Variants in CCDC66 observed in about 807,000 individuals in gnomAD.
CCDC66 encodes the protein coiled-coil domain containing 66.
In CCDC66, 133 loss-of-function variants were observed where a neutral mutation model predicts 128.3. The observed-to-expected ratio is 1.04, with a 90% CI of 0.90 to 1.20. The LOEUF (loss-of-function observed/expected upper bound fraction) is 1.20. Among genes scored for constraint, CCDC66 ranks in the 50% most tolerant of loss-of-function variants. The probability of loss-of-function intolerance (pLI) is 0.00; values close to 1 mark genes in which losing one functional copy is unlikely to be tolerated. For synonymous variants in CCDC66, 387 were observed against 357.0 expected (o/e 1.08, Z -0.95); for missense variants, 1,126 against 1,075.5 (o/e 1.05, Z -0.66).
chr3:56,565,103 C>A, intron 4 of CCDC66: 1 of 393,780 alleles, frequency 2.5e-6, no homozygotes, highest in Non-Finnish European at 5.2e-6. Context: ...ATCCTGTGAG[C>A]CCTCTAAAAC....
intron 7 of CCDC66, among the ~76,000 whole-genome samples, chr3:56,582,097 C>G (rs1450692024): frequency 6.6e-6 from 1 of 151,940 alleles, no homozygotes; most frequent in African/African-American, 2.4e-5. Flanking sequence ...TGTTTACCTA[C>G]TCAAGCCTCA....
chr3:56,576,384 T>A (rs575921724), intron 7 of CCDC66, among the ~76,000 whole-genome samples: 51 of 151,676 alleles, frequency 3.4e-4, no homozygotes, highest in African/African-American at 6.7e-4. Flanking sequence ...TTAAAAAAAA[T>A]TTTATGCCAT....
At chr3:56,606,205 A>T (rs1010989578) in intron 10 of CCDC66, among the ~76,000 whole-genome samples, 8 of 151,956 alleles carry the variant, frequency 5.3e-5, no homozygotes, top group African/African-American at 1.9e-4. Context: ...TAGCTTGCTG[A>T]GCTCCCTGGG....
chr3:56,617,691 C>G, intron 14 of CCDC66, 86 bp downstream of exon 14: 6 of 1,479,756 alleles, frequency 4.1e-6, no homozygotes, highest in Non-Finnish European at 5.4e-6. Context: ...TAAGGCTGTT[C>G]TGATCTGTTT....
At chr3:56,565,017 C>T (rs888311654) in intron 4 of CCDC66, 29 of 201,550 alleles carry the variant, frequency 1.4e-4, no homozygotes, top group Non-Finnish European at 5.5e-5. Flanking sequence ...TGCCTAATCA[C>T]GTAGACTTTC....
intron 2 of CCDC66, 150 bp downstream of exon 2, chr3:56,559,060 C>G (rs1303646842): frequency 3.2e-6 from 2 of 629,332 alleles, no homozygotes; most frequent in East Asian, 5.5e-5. Flanking sequence ...AGATTTCCTT[C>G]TAGCCAAATA....
At chr3:56,608,853 C>T (rs2074422906) in intron 10 of CCDC66, among the ~76,000 whole-genome samples, 1 of 152,130 alleles carries the variant, frequency 6.6e-6, no homozygotes. Context: ...ATCTTGATTT[C>T]ATTTTTGGCC....
chr3:56,583,916 G>A (rs1163195433), intron 7 of CCDC66, among the ~76,000 whole-genome samples: 2 of 88,350 alleles, frequency 2.3e-5, no homozygotes, highest in Admixed American at 1.5e-4. Context: ...GGCGGCGGCT[G>A]GGCGGGGGCT....
At chr3:56,573,055 C>T (rs892576576) in intron 7 of CCDC66, 1 of 152,144 alleles carries the variant, frequency 6.6e-6, no homozygotes, top group Non-Finnish European at 1.5e-5. Flanking sequence ...TACTTTTCAA[C>T]ATCAGGATAA....
At position 56,593,529 on chromosome 3, in the gene CCDC66, A is replaced by C; in HGVS notation, c.1107A>C (p.Ser369=). 6.2e-7 allele frequency: 1 copy of C among 1,614,204 alleles called. No individual in the cohort carries two copies. ...EHDRWAMHFD[S]LKSYPGSQSQ... is the part of the protein sequence containing the mutation. ...ACAGATGGGCAATGCACTTTGATTC[A>C]TTAAAGAGTTATCCTGGTTCTCAAT... Residue 369 remains serine, a synonymous_variant, in exon 9 of 18, where the codon TCA becomes TCC. Coordinates refer to ENST00000394672, the MANE Select transcript of CCDC66 (RefSeq NM_001141947.3).
chr3:56,569,773 T>C (rs1239692807), intron 6 of CCDC66: 2 of 152,260 alleles, frequency 1.3e-5, no homozygotes, highest in African/African-American at 4.8e-5. Flanking sequence ...CAATACCAAA[T>C]GTCTGAAATA....
intron 8 of CCDC66, 65 bp downstream of exon 8, chr3:56,593,166 C>A: frequency 7.7e-7 from 1 of 1,295,738 alleles, no homozygotes; most frequent in Non-Finnish European, 1.1e-6. Flanking sequence ...TCAATTAAAA[C>A]TAGAAGTATT....
At chr3:56,596,971 G>C (rs2072092168) in intron 10 of CCDC66, among the ~76,000 whole-genome samples, 1 of 149,748 alleles carries the variant, frequency 6.7e-6, no homozygotes, top group African/African-American at 2.5e-5. Context: ...TGTTGGCCAG[G>C]CTGGTCTTGA....
In CCDC66 at chr3:56,617,134, C is replaced by T; in HGVS notation, c.1866C>T (p.Phe622=). The stretch of plus-strand genomic sequence containing the variant: ...TAGATGACTTAAATATAGGAATATT[C>T]ACCAATGCAGAATCACATTGTGGAT... ...VQTDDLNIGI[F]TNAESHCGSL... Residue 622 remains phenylalanine, a synonymous_variant, in exon 14 of 18, where the codon TTC becomes TTT. Transcript: ENST00000394672. 6 of 1,545,740 alleles carry T rather than the reference C, an allele frequency of 3.9e-6. No individual in the cohort carries two copies. Among genetic ancestry groups the T allele is most frequent in the Non-Finnish European group, 5.2e-6 (6 of 1,148,396 alleles).
In CCDC66 at chr3:56,563,404, AAAAG is replaced by A. The variant is rs775280281; in HGVS notation, c.103-278_103-275del. ...AAATTTTTTTAATTGAAAAAAAAAA[AAAAG>A]AGATAATGTAGGTGGTATAATCTAA... On this transcript the variant is annotated intron_variant, in intron 3 of 17. Coordinates refer to ENST00000394672, the MANE Select transcript of CCDC66 (RefSeq NM_001141947.3). 2.6e-3 allele frequency: 677 copies of A among 265,370 alleles called. 2 individuals carry two copies. Among genetic ancestry groups the A allele is most frequent in the Non-Finnish European group, 3.3e-3 (471 of 141,498 alleles). The allele number at this position is 265,370 out of a possible 1,614,324, so 16.4% of individuals were successfully genotyped here.
rs1342356954 is a variant in CCDC66, at chr3:56,619,435, C to CGTAT, written c.2546_2549dup (p.Arg851CysfsTer5). On this transcript the variant is annotated frameshift_variant, in exon 16 of 18. Coordinates refer to ENST00000394672, the MANE Select transcript of CCDC66 (RefSeq NM_001141947.3). LOFTEE classifies it high-confidence loss of function. ...ATTTCTGAATCATCCCATTTTATTC[C>CGTAT]GTATGTTCGAACAAATGAGATCTAT... is the stretch of plus-strand genomic sequence containing the variant. 31 of 1,613,852 alleles carry CGTAT rather than the reference C, an allele frequency of 1.9e-5. No individual in the cohort carries two copies. The highest frequency in any genetic ancestry group is 3.3e-5 in the Admixed American group (2 of 59,998).
rs781387291 is a variant in CCDC66, at chr3:56,566,738, AGT to A, written c.693_694del (p.Cys231Ter). 2 of 1,610,450 alleles carry A rather than the reference AGT, an allele frequency of 1.2e-6. No homozygotes were observed. The highest frequency in any genetic ancestry group is 3.4e-5 in the Admixed American group (2 of 59,386). ...AATGAACATCAGGAGACATCTAAAC[AGT>A]GTGAGCAAAAAATTGCCATGTATGT... On this transcript the variant is annotated frameshift_variant, in exon 5 of 18. Coordinates refer to ENST00000394672, the MANE Select transcript of CCDC66 (RefSeq NM_001141947.3). LOFTEE classifies it high-confidence loss of function.
chr3:56,613,806 G>T, intron 11 of CCDC66, 56 bp downstream of exon 11: 5 of 1,437,134 alleles, frequency 3.5e-6, no homozygotes, highest in South Asian at 1.2e-5. Flanking sequence ...TTTGAGACAG[G>T]GTCTCACTCT....
Position 56,567,062 on chromosome 3 carries a change from CTT to C in CCDC66, c.814+12_814+13del. On this transcript the variant is annotated intron_variant, in intron 6 of 17. Coordinates refer to ENST00000394672, the MANE Select transcript of CCDC66 (RefSeq NM_001141947.3). ...GTGGAGGAAAGAGCTAGGTAGGTAA[CTT>C]TTATACCTTTATTATAGTTTTATTG... The C allele has an allele frequency of 6.3e-7, 1 of 1,576,392 alleles. No individual in the cohort carries two copies. Among genetic ancestry groups the C allele is most frequent in the Non-Finnish European group, 8.7e-7 (1 of 1,146,226 alleles).
Sources: gnomAD v4.1 joint callset for allele counts (sites outside exome capture counted in the v4.1 genomes callset) on GRCh38, gnomAD v4.1.1 for gene constraint, MANE v1.5 for transcripts, NCBI Gene and HGNC (gene_info 2026-07-23, HGNC 2026-07-21) for gene names.